MACROD2: variants seen among roughly 807,000 people sequenced by gnomAD.
MACROD2 encodes ADP-ribose glycohydrolase MACROD2.
MACROD2 carries 36 observed loss-of-function variants against 70.4 expected under a neutral mutation model. The ratio of observed to expected loss-of-function variants is 0.51; its 90% CI spans 0.39 to 0.68. The LOEUF (loss-of-function observed/expected upper bound fraction) is 0.68, where lower values mean the gene tolerates loss of function less well. Ranked by LOEUF, MACROD2 falls within the 30% of genes least tolerant of loss-of-function variation. MACROD2 has a pLI of 0.00. For missense variants in MACROD2, 496 were observed against 538.4 expected (o/e 0.92, Z 0.78); for synonymous variants, 172 against 178.8 (o/e 0.96, Z 0.30).
intron 5 of MACROD2, chr20:14,904,932 G>T: frequency 6.6e-6 from 1 of 152,146 alleles, no homozygotes; most frequent in Non-Finnish European, 1.5e-5. Flanking sequence ...ATAGGAAATA[G>T]CTGGCTGCTG....
In MACROD2 at chr20:14,824,573, A is replaced by G. The variant is rs565950770; in HGVS notation, c.418+139614A>G. ...GCTGGCTGTCTACTGGGAGGTCTCAATTCTCCTCACGTGACCTCTCCACAT... is the reference window on the plus strand; with the variant it reads ...GCTGGCTGTCTACTGGGAGGTCTCAGTTCTCCTCACGTGACCTCTCCACAT... On this transcript the variant is annotated intron_variant, in intron 5 of 17. Coordinates refer to ENST00000684519, the MANE Select transcript of MACROD2 (RefSeq NM_001351661.2). Among the ~76,000 whole-genome samples, 207 of 152,154 alleles carry G rather than the reference A, an allele frequency of 1.4e-3. 1 individual carries two copies. Among genetic ancestry groups the G allele is most frequent in the African/African-American group, 4.8e-3 (199 of 41,536 alleles).
At chr20:15,081,655 T>C (rs2075704531) in intron 5 of MACROD2, among the ~76,000 whole-genome samples, 1 of 152,142 alleles carries the variant, frequency 6.6e-6, no homozygotes, top group South Asian at 2.1e-4. Context: ...CCAAGGGAAG[T>C]TGACACGCTA....
intron 6 of MACROD2, among the ~76,000 whole-genome samples, chr20:15,373,624 G>T (rs113056402): frequency 8.3e-4 from 126 of 152,172 alleles, no homozygotes; most frequent in African/African-American, 2.9e-3. Context: ...GATGGTCTCA[G>T]ACTCCTGGCT....
chr20:14,371,537 G>A (rs2083323491), intron 3 of MACROD2, among the ~76,000 whole-genome samples: 1 of 151,998 alleles, frequency 6.6e-6, no homozygotes, highest in Admixed American at 6.6e-5. Context: ...TATTTTGTTT[G>A]TATCCATTTG....
chr20:15,629,068 AATACTCTTGTATTC>A (rs1167878151), intron 8 of MACROD2, among the ~76,000 whole-genome samples: 1 of 152,176 alleles, frequency 6.6e-6, no homozygotes, highest in Non-Finnish European at 1.5e-5. Flanking sequence ...GGCTGGTATG[AATACTCTTGTATTC>A]ATACTCTTGT....
Position 14,444,539 on chromosome 20 carries a change from A to G in MACROD2, c.272-48940A>G, listed in dbSNP as rs561288593. On this transcript the variant is annotated intron_variant, in intron 3 of 17. Transcript: ENST00000684519. ...CTCTTTAGGGCTCTTTTCTGACTAC[A>G]TTCACTCCCTAGGTGATCGCATTCA... Among the ~76,000 whole-genome samples the G allele has an allele frequency of 4.0e-5, 6 of 151,838 alleles. No individual in the cohort carries two copies. The East Asian group carries it at 1.2e-3, about 29-fold the overall frequency.
chr20:15,830,145 A>G (rs927029105), intron 8 of MACROD2, among the ~76,000 whole-genome samples: 2 of 152,198 alleles, frequency 1.3e-5, no homozygotes, highest in Non-Finnish European at 2.9e-5. Context: ...CCATTGCCAC[A>G]GTGGACAACA....
chr20:14,774,380 C>A (rs144219964), intron 5 of MACROD2, among the ~76,000 whole-genome samples: 1 of 152,032 alleles, frequency 6.6e-6, no homozygotes, highest in African/African-American at 2.4e-5. Context: ...TTTTTAATTG[C>A]CATATTCAAG....
At chr20:14,890,780 T>TA (rs71190163) in intron 5 of MACROD2, among the ~76,000 whole-genome samples, 129,508 of 143,374 alleles carry the variant, frequency 0.9, 58,633 homozygotes, top group East Asian at 0.99. Flanking sequence ...TAATAAAAAT[T>TA]AAAAAAAAAA....
At chr20:15,525,093 A>G (rs1224097589) in intron 8 of MACROD2, among the ~76,000 whole-genome samples, 1 of 152,224 alleles carries the variant, frequency 6.6e-6, no homozygotes, top group East Asian at 1.9e-4. Flanking sequence ...GTCCAAAAAT[A>G]TCTCAGCATT....
intron 5 of MACROD2, among the ~76,000 whole-genome samples, chr20:15,115,255 G>C (rs1309215546): frequency 6.6e-6 from 1 of 151,742 alleles, no homozygotes; most frequent in Non-Finnish European, 1.5e-5. Flanking sequence ...CTTTTGACGG[G>C]GTCTCACTTT....
At chr20:14,565,545 C>G (rs1271513306) in intron 4 of MACROD2, among the ~76,000 whole-genome samples, 2 of 150,606 alleles carry the variant, frequency 1.3e-5, no homozygotes, top group Non-Finnish European at 3.0e-5. Flanking sequence ...GCATGAATCT[C>G]GGAAAATTCC....
intron 5 of MACROD2, among the ~76,000 whole-genome samples, chr20:15,179,825 T>G (rs1444388530): frequency 6.6e-6 from 1 of 152,220 alleles, no homozygotes; most frequent in Non-Finnish European, 1.5e-5. Flanking sequence ...TTGGACAATT[T>G]AAAGATTCCC....
intron 4 of MACROD2, among the ~76,000 whole-genome samples, chr20:14,590,315 A>C (rs1464261054): frequency 6.6e-6 from 1 of 152,130 alleles, no homozygotes; most frequent in Admixed American, 6.5e-5. Context: ...CATAAATGAA[A>C]ATTTGTACTG....
chr20:15,853,217 A>G (rs2147150383), intron 8 of MACROD2, among the ~76,000 whole-genome samples: 1 of 152,244 alleles, frequency 6.6e-6, no homozygotes, highest in East Asian at 1.9e-4. Context: ...AATAATAACT[A>G]TGCAAACAAG....
At chr20:14,403,781 C>G (rs1398374622) in intron 3 of MACROD2, among the ~76,000 whole-genome samples, 1 of 152,032 alleles carries the variant, frequency 6.6e-6, no homozygotes, top group East Asian at 1.9e-4. Flanking sequence ...AACTAGAAAT[C>G]TATTAAAAGG....
intron 3 of MACROD2, among the ~76,000 whole-genome samples, chr20:14,485,893 C>CT (rs2123086325): frequency 6.6e-6 from 1 of 152,020 alleles, no homozygotes; most frequent in East Asian, 1.9e-4. Context: ...AGTAAACACT[C>CT]TGCTATATTG....
intron 5 of MACROD2, among the ~76,000 whole-genome samples, chr20:14,889,340 G>A (rs1600772887): frequency 6.6e-6 from 1 of 151,962 alleles, no homozygotes; most frequent in Non-Finnish European, 1.5e-5. Flanking sequence ...GGTGATGCAT[G>A]CAATAAGCAA....
At chr20:14,489,490 T>C (rs946723300) in intron 3 of MACROD2, among the ~76,000 whole-genome samples, 3 of 152,224 alleles carry the variant, frequency 2.0e-5, no homozygotes, top group African/African-American at 4.8e-5. Flanking sequence ...ATTTCAGCTT[T>C]TGTATCTTTG....
Sources: gnomAD v4.1 joint callset for allele counts (sites outside exome capture counted in the v4.1 genomes callset) on GRCh38, gnomAD v4.1.1 for gene constraint, MANE v1.5 for transcripts, NCBI Gene and HGNC (gene_info 2026-07-23, HGNC 2026-07-21) for gene names.